Variants in ARHGAP33 observed in about 807,000 individuals in gnomAD.
The protein encoded by ARHGAP33 is rho GTPase-activating protein 33.
ARHGAP33 carries 57 observed loss-of-function variants against 126.2 expected under a neutral mutation model. The observed-to-expected ratio is 0.45, with a 90% CI of 0.36 to 0.56. The LOEUF (loss-of-function observed/expected upper bound fraction) is 0.56, where lower values mean the gene tolerates loss of function less well. ARHGAP33 is among the 20% of genes least tolerant of loss of function. ARHGAP33 has a pLI of 0.00. For missense variants in ARHGAP33, 1,500 were observed against 1,748.3 expected, an observed-to-expected ratio of 0.86 and a Z score of 2.53; for synonymous variants, 711 against 755.0, an observed-to-expected ratio of 0.94 and a Z score of 0.95.
In ARHGAP33 at chr19:35,785,126, T is replaced by A; in HGVS notation, c.1721+20T>A. On this transcript the variant is annotated intron_variant, in intron 17 of 20. Transcript: ENST00000007510. ...GGAAAGGTGAGTGGGATGCTGGGGGTGGCGAGGGGCAGGTGGAGGCCTGGT... is the reference window on the plus strand; with the variant it reads ...GGAAAGGTGAGTGGGATGCTGGGGGAGGCGAGGGGCAGGTGGAGGCCTGGT... The A allele has an allele frequency of 6.3e-7, 1 of 1,590,114 alleles. No individual in the cohort carries two copies. The highest frequency in any genetic ancestry group is 8.6e-7 in the Non-Finnish European group (1 of 1,164,108).
chr19:35,778,740 C>G (rs184824500), intron 5 of ARHGAP33, 139 bp downstream of exon 5: 43 of 1,256,094 alleles, frequency 3.4e-5, no homozygotes, highest in Non-Finnish European at 3.0e-5. Flanking sequence ...AATGGAGAAG[C>G]CTTAGAAACG....
intron 1 of ARHGAP33, among the ~76,000 whole-genome samples, chr19:35,776,687 T>C (rs2146675239): frequency 6.6e-6 from 1 of 152,354 alleles, no homozygotes; most frequent in African/African-American, 2.4e-5. Flanking sequence ...CCCAGCTCTA[T>C]GCTGGGGAGC....
chr19:35,780,026 C>A, intron 6 of ARHGAP33, 185 bp from the exon 7 acceptor site: 1 of 849,366 alleles, frequency 1.2e-6, no homozygotes, highest in Non-Finnish European at 2.0e-6. Flanking sequence ...GAGGTTTCCC[C>A]ACCCGCAGAG....
chr19:35,786,986 T>G lies in ARHGAP33; in HGVS notation c.2516T>G (p.Leu839Arg). The G allele has an allele frequency of 6.2e-7, 1 of 1,610,352 alleles. No individual in the cohort carries two copies. The highest frequency in any genetic ancestry group is 8.5e-7 in the Non-Finnish European group (1 of 1,178,864). The change falls in exon 20 of 21, where the codon CTG becomes CGG. Residue 839 changes from leucine (L) to arginine (R), a missense_variant. This residue lies in a region of ARHGAP33 where 642 missense variants were observed against 634.0 expected (regional missense o/e 1.01). Coordinates refer to ENST00000007510, the MANE Select transcript of ARHGAP33 (RefSeq NM_001366178.1). The surrounding 1 kb of genome is among the most constrained non-coding windows in gnomAD (Gnocchi z 7.0). ...GRSLRPHLIPLLLRGAEAPLT... is the reference protein window; with the variant it reads ...GRSLRPHLIPRLLRGAEAPLT... ...AGCCTGCGCCCCCATCTCATACCCC[T>G]GCTGCTGCGAGGAGCCGAGGCCCCG...
At chr19:35,779,727 C>T (rs1345866225) in intron 6 of ARHGAP33, 2 of 351,692 alleles carry the variant, frequency 5.7e-6, no homozygotes, top group African/African-American at 4.3e-5. Flanking sequence ...CTGTGCCTGG[C>T]CTCTGGCTAA....
chr19:35,785,666 A>C (rs1451090456), intron 19 of ARHGAP33, 183 bp downstream of exon 19: 2 of 1,429,570 alleles, frequency 1.4e-6, no homozygotes, highest in East Asian at 2.5e-5. Flanking sequence ...TTCATCACAC[A>C]CTGAACTTAA....
chr19:35,786,414 C>A lies in ARHGAP33; in HGVS notation c.1944C>A (p.Gly648=), dbSNP rs1028412692. ...ESLSSQASGA[G]LQRLHRLRRP... is the part of the protein sequence containing the mutation. ...GTCTCACTGACCCCACCCCTCCAGG[C>A]CTCCAGAGGCTGCACAGGCTGCGGC... The change falls in exon 20 of 21, where the codon GGC becomes GGA. Residue 648 remains glycine (G), a splice_region_variant and synonymous_variant. Transcript: ENST00000007510. The surrounding 1 kb of genome is among the most constrained non-coding windows in gnomAD (Gnocchi z 7.0). The A allele has an allele frequency of 5.9e-6, 9 of 1,530,108 alleles. No homozygotes were observed. In the African/African-American group the frequency reaches 9.6e-5, roughly 16 times the overall value. The allele number at this position is 1,530,108 out of a possible 1,614,324, so 94.8% of individuals were successfully genotyped here.
rs778069973 is a variant in ARHGAP33, at chr19:35,785,021, G to A, written c.1636G>A (p.Glu546Lys). 5 of 1,550,718 alleles carry A rather than the reference G, an allele frequency of 3.2e-6. No homozygotes were observed. In the South Asian group the frequency reaches 5.9e-5, roughly 18 times the overall value. Residue 546 changes from glutamate (E) to lysine (K), a missense_variant, in exon 17 of 21, where the codon GAG (glutamate) becomes AAG (lysine). Around this residue, in one of 6 missense-constraint regions of ARHGAP33, gnomAD observed 300 missense variants for 291.1 expected, o/e 1.03. Coordinates refer to ENST00000007510, the MANE Select transcript of ARHGAP33 (RefSeq NM_001366178.1). The part of the protein sequence containing the change: ...SCPSTRLLTL[E>K]EAQARTQGRL... ...CCCCTCCACCCGCCTGCTGACGCTG[G>A]AGGAAGCCCAGGCACGCACCCAGGG...
Position 35,787,717 on chromosome 19 carries a change from G to A in ARHGAP33, c.3152G>A (p.Gly1051Asp). Residue 1051 changes from glycine to aspartate, a missense_variant, in exon 21 of 21, where the codon GGC (glycine) becomes GAC (aspartate). By Grantham distance (94) the Gly-to-Asp change is moderately conservative (BLOSUM62 -1). Around this residue, in one of 6 missense-constraint regions of ARHGAP33, gnomAD observed 642 missense variants for 634.0 expected, o/e 1.01. Coordinates refer to ENST00000007510, the MANE Select transcript of ARHGAP33 (RefSeq NM_001366178.1). ...CCCTTCCTCGGGGTCCCCAAGCCAG[G>A]CTTGTACCCCCTGGGCCCCCCATCC... ...LPPFLGVPKP[G>D]LYPLGPPSFQ... 6.3e-7 allele frequency: 1 copy of A among 1,589,614 alleles called. No individual in the cohort carries two copies. The highest frequency in any genetic ancestry group is 8.5e-7 in the Non-Finnish European group (1 of 1,172,872).
Position 35,788,319 on chromosome 19 carries a change from T to C in ARHGAP33, c.3754T>C (p.Ser1252Pro). 1 of 1,607,088 alleles carries C rather than the reference T, an allele frequency of 6.2e-7. No homozygotes were observed. The highest frequency in any genetic ancestry group is 1.1e-5 in the South Asian group (1 of 90,548). ...YGRGGELHRG[S>P]LYRNGGQRGE... ...AAGGGGGGGCGAGCTCCACCGAGGG[T>C]CCTTGTACAGAAATGGAGGGCAAAG... is the stretch of plus-strand genomic sequence containing the variant. The change falls in exon 21 of 21, where the codon TCC (serine) becomes CCC (proline). Residue 1252 changes from serine (S) to proline (P), a missense_variant. Ser to Pro is a moderately conservative substitution (Grantham distance 74, BLOSUM62 -1). Transcript: ENST00000007510.
chr19:35,785,895 G>A, intron 19 of ARHGAP33: 1 of 1,104,008 alleles, frequency 9.1e-7, no homozygotes, highest in Non-Finnish European at 1.1e-6. Flanking sequence ...GTGTGTGTAA[G>A]GATCATACTG....
At position 35,785,303 on chromosome 19, in the gene ARHGAP33, G is replaced by C; in HGVS notation, c.1836G>C (p.Leu612=). 1 of 1,605,670 alleles carries C rather than the reference G, an allele frequency of 6.2e-7. No individual in the cohort carries two copies. The highest frequency in any genetic ancestry group is 8.5e-7 in the Non-Finnish European group (1 of 1,175,268). ...SVPRKKPLPW[L]GGTRAPPQPS... is the part of the protein sequence containing the mutation. ...CTCGAAAGAAGCCCCTGCCCTGGCT[G>C]GGGGGCACCCGTGCCCCACCGCAGC... is the stretch of plus-strand genomic sequence containing the variant. The change falls in exon 18 of 21, where the codon CTG becomes CTC. Residue 612 remains leucine, a synonymous_variant. Coordinates refer to ENST00000007510, the MANE Select transcript of ARHGAP33 (RefSeq NM_001366178.1).
rs1239016860 is a variant in ARHGAP33 at position 35,782,281 on chromosome 19, C to T, written c.1086-92C>T. The T allele has an allele frequency of 6.9e-6, 10 of 1,448,884 alleles. No individual in the cohort carries two copies. Among genetic ancestry groups the T allele is most frequent in the South Asian group, 2.6e-5 (2 of 78,282 alleles). 89.8% of individuals were successfully genotyped at this position (1,448,884 alleles called of 1,614,324 possible). A position where few individuals can be genotyped will look rare whatever the true frequency, so the allele number is the denominator to read the frequency against. On this transcript the variant is annotated intron_variant, in intron 12 of 20. Coordinates refer to ENST00000007510, the MANE Select transcript of ARHGAP33 (RefSeq NM_001366178.1). This position sits in a 1 kb window ranked among gnomAD's most constrained non-coding sequence, Gnocchi z 4.1. ...TGGGGAAGAGGGTTCCATCCACCTGCGGGCACTTGGGGGTAGGGGCAAGGG... is the reference window on the plus strand; with the variant it reads ...TGGGGAAGAGGGTTCCATCCACCTGTGGGCACTTGGGGGTAGGGGCAAGGG...
At position 35,775,613 on chromosome 19, in the gene ARHGAP33, G is replaced by T. The variant is rs973383367; in HGVS notation, c.-46G>T. On this transcript the variant is annotated 5_prime_UTR_variant, in exon 1 of 21. Coordinates refer to ENST00000007510, the MANE Select transcript of ARHGAP33 (RefSeq NM_001366178.1). ...CGGCGGCAGCGGCGACGAGAACGGC[G>T]AGCGAGGGGTCGAGCGCGGCCGGGG... 6.7e-7 allele frequency: 1 copy of T among 1,500,412 alleles called. No homozygotes were observed. The highest frequency in any genetic ancestry group is 8.9e-7 in the Non-Finnish European group (1 of 1,129,790). The allele number at this position is 1,500,412 out of a possible 1,614,324, so 92.9% of individuals were successfully genotyped here.
At position 35,777,839 on chromosome 19, in the gene ARHGAP33, A is replaced by C. The variant is rs541147197; in HGVS notation, c.120A>C (p.Arg40=). 3.1e-6 allele frequency: 5 copies of C among 1,614,186 alleles called. No homozygotes were observed. The South Asian group carries it at 5.5e-5, about 18-fold the overall frequency. ...GKPGKRLSAP[R]GPFPRLADCA... is the part of the protein sequence containing the mutation. ...TGTCTCCCAGGCTCTCAGCTCCTCG[A>C]GGCCCCTTCCCGCGGCTGGCTGACT... is the stretch of plus-strand genomic sequence containing the variant. Residue 40 remains arginine (R), a synonymous_variant, in exon 3 of 21, where the codon CGA becomes CGC. Transcript: ENST00000007510.
Position 35,780,731 on chromosome 19 carries a change from C to T in ARHGAP33, c.770-26C>T, listed in dbSNP as rs770017363. ...TGCGTCTTTTGCCTCCCACTCATCC[C>T]TTCCACCCCATTTTTCGCCTAGCAG... On this transcript the variant is annotated intron_variant, in intron 9 of 20. Transcript: ENST00000007510. 3 of 1,613,656 alleles carry T rather than the reference C, an allele frequency of 1.9e-6. No homozygotes were observed. The South Asian group carries it at 3.3e-5, about 18-fold the overall frequency.
chr19:35,785,100 C>T lies in ARHGAP33; in HGVS notation c.1715C>T (p.Ala572Val), dbSNP rs1003139404. 4.4e-6 allele frequency: 7 copies of T among 1,588,732 alleles called. No individual in the cohort carries two copies. The highest frequency in any genetic ancestry group is 2.3e-5 in the East Asian group (1 of 44,078). The change falls in exon 17 of 21, where the codon GCG becomes GTG. Residue 572 changes from alanine to valine, a missense_variant. Physicochemically the swap from Ala to Val is moderately conservative, Grantham distance 64 (BLOSUM62 0). Transcript: ENST00000007510. The stretch of plus-strand genomic sequence containing the variant: ...ACTCCCAAGGCCCCGGCCTCACCTG[C>T]GGAAAGGTGAGTGGGATGCTGGGGG... ...PTTPKAPASP[A>V]ERRKGERGEK... is the part of the protein sequence containing the mutation.
At position 35,775,620 on chromosome 19, in the gene ARHGAP33, G is replaced by T; in HGVS notation, c.-39G>T. Reference sequence around the variant, plus strand: ...AGCGGCGACGAGAACGGCGAGCGAGGGGTCGAGCGCGGCCGGGGCCTGAGG... The same window carrying T: ...AGCGGCGACGAGAACGGCGAGCGAGTGGTCGAGCGCGGCCGGGGCCTGAGG... On this transcript the variant is annotated 5_prime_UTR_variant, in exon 1 of 21. Coordinates refer to ENST00000007510, the MANE Select transcript of ARHGAP33 (RefSeq NM_001366178.1). 6.6e-7 allele frequency: 1 copy of T among 1,509,458 alleles called. No homozygotes were observed. The highest frequency in any genetic ancestry group is 8.8e-7 in the Non-Finnish European group (1 of 1,133,918). 93.5% of individuals were successfully genotyped at this position (1,509,458 alleles called of 1,614,324 possible).
chr19:35,785,278 C>A lies in ARHGAP33; in HGVS notation c.1811C>A (p.Pro604His). Reference sequence around the variant, plus strand: ...GCACTGGGCCGGGGCCCCAGTGTCCCTCGAAAGAAGCCCCTGCCCTGGCTG... The same window carrying A: ...GCACTGGGCCGGGGCCCCAGTGTCCATCGAAAGAAGCCCCTGCCCTGGCTG... Reference protein sequence around the residue: ...FFALGRGPSVPRKKPLPWLGG... With the variant: ...FFALGRGPSVHRKKPLPWLGG... The change falls in exon 18 of 21, where the codon CCT becomes CAT. Residue 604 changes from proline to histidine, a missense_variant. By Grantham distance (77) the Pro-to-His change is moderately conservative (BLOSUM62 -2). This residue lies in a region of ARHGAP33 where 300 missense variants were observed against 291.1 expected (regional missense o/e 1.03). Coordinates refer to ENST00000007510, the MANE Select transcript of ARHGAP33 (RefSeq NM_001366178.1). 1 of 1,598,776 alleles carries A rather than the reference C, an allele frequency of 6.3e-7. No individual in the cohort carries two copies. The highest frequency in any genetic ancestry group is 1.7e-4 in the Middle Eastern group (1 of 5,988).
Sources: allele counts gnomAD v4.1 joint callset (sites outside exome capture counted in the v4.1 genomes callset), GRCh38; gene constraint gnomAD v4.1.1; regional missense constraint gnomAD v4.1.1; non-coding constraint Gnocchi (gnomAD v3.1); transcripts MANE v1.5; gene names NCBI Gene and HGNC (gene_info 2026-07-23, HGNC 2026-07-21).